ZBTB38: variants seen among roughly 807,000 people sequenced by gnomAD.
The protein encoded by ZBTB38 is zinc finger and BTB domain-containing protein 38.
In ZBTB38, 20 loss-of-function variants were observed where a neutral mutation model predicts 76.8. The ratio of observed to expected loss-of-function variants is 0.26; its 90% confidence interval spans 0.18 to 0.38. The LOEUF is 0.38. Ranked by LOEUF, ZBTB38 falls within the 10% of genes least tolerant of loss-of-function variation. The pLI is 1.00. For synonymous variants in ZBTB38, 504 were observed against 544.2 expected (o/e 0.93, Z 1.03); for missense variants, 1,082 against 1,482.3 (o/e 0.73, Z 4.43).
chr3:141,441,032 CAAAA>C (rs202075469), intron 5 of ZBTB38, among the ~76,000 whole-genome samples: 3 of 64,620 alleles, frequency 4.6e-5, no homozygotes, highest in Non-Finnish European at 1.1e-4. Flanking sequence ...GACTCAATCT[CAAAA>C]AAAAAAAAAA....
chr3:141,360,800 C>T (rs750574419), intron 1 of ZBTB38, among the ~76,000 whole-genome samples: 12 of 152,220 alleles, frequency 7.9e-5, no homozygotes, highest in South Asian at 4.2e-4. Flanking sequence ...CCACTGTTGA[C>T]GGTATTACCC....
Position 141,444,560 on chromosome 3 carries a change from A to G in ZBTB38, c.2172A>G (p.Ser724=). ...TCATTGTACACAGCAGCCAGTTTTC[A>G]TCGGTGATCATGCACAGCAATGCCA... ...PSVIVHSSQF[S]SVIMHSNAIA... is the part of the protein sequence containing the mutation. The change falls in exon 6 of 6, where the codon TCA becomes TCG. Residue 724 remains serine, a synonymous_variant. Coordinates refer to ENST00000321464, the MANE Select transcript of ZBTB38 (RefSeq NM_001376113.1). The surrounding 1 kb of genome is among the most constrained non-coding windows in gnomAD (Gnocchi z 5.1). 6.2e-7 allele frequency: 1 copy of G among 1,614,188 alleles called. No homozygotes were observed.
chr3:141,340,996 G>GAAAGAGAAAGAAGA (rs1553760169), intron 1 of ZBTB38, among the ~76,000 whole-genome samples: 9 of 91,894 alleles, frequency 9.8e-5, no homozygotes, highest in African/African-American at 2.7e-4. Context: ...GAAAGAGAAA[G>GAAAGAGAAAGAAGA]AAGAAAGAAA....
intron 5 of ZBTB38, among the ~76,000 whole-genome samples, chr3:141,441,252 T>C (rs943752114): frequency 2.0e-5 from 3 of 152,038 alleles, no homozygotes; most frequent in Non-Finnish European, 4.4e-5. Flanking sequence ...ACTCATGGAA[T>C]AGGACTTATA....
chr3:141,355,450 C>G (rs1322795085), intron 1 of ZBTB38, among the ~76,000 whole-genome samples: 1 of 152,084 alleles, frequency 6.6e-6, no homozygotes, highest in Non-Finnish European at 1.5e-5. Flanking sequence ...AACCGCTACT[C>G]CTGCTACTCC....
At chr3:141,409,289 A>C (rs1955811341) in intron 5 of ZBTB38, among the ~76,000 whole-genome samples, 1 of 152,038 alleles carries the variant, frequency 6.6e-6, no homozygotes, top group African/African-American at 2.4e-5. Flanking sequence ...CAGGTGATCC[A>C]CCGGCCTCAG....
At chr3:141,340,920 G>GAAA (rs1391888761) in intron 1 of ZBTB38, among the ~76,000 whole-genome samples, 755 of 26,632 alleles carry the variant, frequency 0.028, 9 homozygotes, top group African/African-American at 0.25. Context: ...AAAAGAAAAG[G>GAAA]AAAGGAAAAA....
intron 1 of ZBTB38, among the ~76,000 whole-genome samples, chr3:141,326,213 A>G (rs1942671022): frequency 6.6e-6 from 1 of 152,232 alleles, no homozygotes; most frequent in South Asian, 2.1e-4. Context: ...CTTAGAGCTC[A>G]TGGGAAAATG....
chr3:141,325,148 A>T (rs1942635011), intron 1 of ZBTB38, among the ~76,000 whole-genome samples: 1 of 152,244 alleles, frequency 6.6e-6, no homozygotes, highest in Non-Finnish European at 1.5e-5. Context: ...GGTCCATTTG[A>T]TATTTAGAAA....
At chr3:141,405,880 A>G (rs1954190295) in intron 5 of ZBTB38, 1 of 152,222 alleles carries the variant, frequency 6.6e-6, no homozygotes, top group African/African-American at 2.4e-5. Context: ...CAAAAAGAAG[A>G]TATTTTGGTA....
At chr3:141,337,263 G>T (rs1334581395) in intron 1 of ZBTB38, among the ~76,000 whole-genome samples, 2 of 152,192 alleles carry the variant, frequency 1.3e-5, no homozygotes, top group Non-Finnish European at 2.9e-5. Flanking sequence ...CCTGTTGAAG[G>T]TCTTTCCATG....
chr3:141,368,391 T>G (rs1445615975), upstream of ZBTB38: 1 of 152,200 alleles, frequency 6.6e-6, no homozygotes, highest in Non-Finnish European at 1.5e-5. Context: ...AAGGTTCCTT[T>G]TGTCCCCTTC....
chr3:141,371,041 C>CTTTTTTTTTTTTTTTT (rs1944488920), intron 2 of ZBTB38, among the ~76,000 whole-genome samples: 3 of 75,458 alleles, frequency 4.0e-5, no homozygotes, highest in African/African-American at 2.0e-4. Flanking sequence ...TCTTTTCTTT[C>CTTTTTTTTTTTTTTTT]TTTCTTTTTT....
At chr3:141,421,834 G>A (rs1357450145) in intron 5 of ZBTB38, among the ~76,000 whole-genome samples, 2 of 152,256 alleles carry the variant, frequency 1.3e-5, no homozygotes. Flanking sequence ...TCATAGTGAA[G>A]TGATGCTTAC....
At chr3:141,353,049 T>C (rs754648650) in intron 1 of ZBTB38, among the ~76,000 whole-genome samples, 8 of 151,980 alleles carry the variant, frequency 5.3e-5, no homozygotes, top group Non-Finnish European at 1.0e-4. Context: ...TAGCAGAGTA[T>C]GTGCAGACCA....
intron 1 of ZBTB38, among the ~76,000 whole-genome samples, chr3:141,332,599 G>A (rs1258554355): frequency 6.6e-6 from 1 of 152,152 alleles, no homozygotes. Context: ...TGTAATGGGT[G>A]CTCCATGATA....
Position 141,401,374 on chromosome 3 carries a change from ACTCTTC to A in ZBTB38, c.-105-2550_-105-2545del, listed in dbSNP as rs201597305. 2.9e-3 allele frequency among the ~76,000 whole-genome samples: 395 copies of A among 138,378 alleles called. 1 individual carries two copies. Among genetic ancestry groups the A allele is most frequent in the African/African-American group, 0.013 (386 of 29,034 alleles). 90.8% of individuals were successfully genotyped at this position (138,378 alleles called of 152,430 possible). On this transcript the variant is annotated intron_variant, in intron 4 of 5. Coordinates refer to ENST00000321464, the MANE Select transcript of ZBTB38 (RefSeq NM_001376113.1). ...GTTGCCCAAACTGTCGGCCTTCAAA[ACTCTTC>A]CTTTTATTTTTAAATAACATGATTA...
intron 1 of ZBTB38, among the ~76,000 whole-genome samples, chr3:141,357,778 G>A (rs983878185): frequency 1.2e-4 from 18 of 152,210 alleles, no homozygotes; most frequent in South Asian, 6.2e-4. Flanking sequence ...GAACCACTGC[G>A]CCTGGCTATT....
At chr3:141,380,242 G>A (rs969695885) in intron 2 of ZBTB38, among the ~76,000 whole-genome samples, 1 of 152,142 alleles carries the variant, frequency 6.6e-6, no homozygotes, top group Non-Finnish European at 1.5e-5. Flanking sequence ...TGTGAAACAC[G>A]CTCTGCCACT....
Sources: allele counts gnomAD v4.1 joint callset (sites outside exome capture counted in the v4.1 genomes callset), GRCh38; gene constraint gnomAD v4.1.1; non-coding constraint Gnocchi (gnomAD v3.1); transcripts MANE v1.5; gene names NCBI Gene and HGNC (gene_info 2026-07-23, HGNC 2026-07-21).